The following PGM3 variants were observed in gnomAD, a reference collection of about 807,000 sequenced individuals.
The protein encoded by PGM3 is phosphoglucomutase 3.
In PGM3, 40 loss-of-function variants were observed where a neutral mutation model predicts 66.2. The observed-to-expected ratio is 0.60, with a 90% CI of 0.47 to 0.79. PGM3 has a LOEUF of 0.79. Ranked by LOEUF, PGM3 falls within the 30% of genes least tolerant of loss-of-function variation. The pLI, the probability that PGM3 is intolerant of heterozygous loss-of-function variation, is 0.00. For synonymous variants in PGM3, 191 were observed against 224.2 expected, an observed-to-expected ratio of 0.85 and a Z score of 1.32; for missense variants, 537 against 643.4, an observed-to-expected ratio of 0.83 and a Z score of 1.79.
chr6:83,175,870 G>A (rs995758665), intron 9 of PGM3, 92 bp downstream of exon 9: 6 of 683,706 alleles, frequency 8.8e-6, no homozygotes, highest in Middle Eastern at 2.5e-4. Flanking sequence ...TTTCAACAAA[G>A]TACAATATTA....
At chr6:83,158,769 T>G, downstream of PGM3, 1 of 663,878 alleles carries the variant, frequency 1.5e-6, no homozygotes, top group Non-Finnish European at 2.5e-6. Flanking sequence ...TAATGTAGTT[T>G]TACTTATTCC....
Position 83,168,833 on chromosome 6 carries a change from T to C in PGM3, c.*401A>G. On this transcript the variant is annotated 3_prime_UTR_variant, in exon 13 of 13. Transcript: ENST00000513973. ...TATAAAGTCTTCTCTGCCCTCTCCA[T>C]TTGTATCAGCAATGGGGAATGCTGC... 1 of 1,028,468 alleles carries C rather than the reference T, an allele frequency of 9.7e-7. No homozygotes were observed. The highest frequency in any genetic ancestry group is 1.2e-6 in the Non-Finnish European group (1 of 855,028). The allele number at this position is 1,028,468 out of a possible 1,614,324, so 63.7% of individuals were successfully genotyped here. A position where few individuals can be genotyped will look rare whatever the true frequency, so the allele number is the denominator to read the frequency against.
intron 2 of PGM3, among the ~76,000 whole-genome samples, 163 bp from the exon 3 acceptor site, chr6:83,188,961 G>GTA (rs934315718): frequency 6.6e-6 from 1 of 152,122 alleles, no homozygotes; most frequent in Non-Finnish European, 1.5e-5. Flanking sequence ...GGTATTTTAT[G>GTA]TATATATATT....
Position 83,171,953 on chromosome 6 carries a change from C to CTGTT in PGM3, c.1345_1348dup (p.Arg450LysfsTer5). 1 of 1,613,226 alleles carries CTGTT rather than the reference C, an allele frequency of 6.2e-7. No individual in the cohort carries two copies. The highest frequency in any genetic ancestry group is 8.5e-7 in the Non-Finnish European group (1 of 1,179,414). On this transcript the variant is annotated frameshift_variant, in exon 11 of 13. Transcript: ENST00000513973. LOFTEE classifies it high-confidence loss of function. ...CTCTCACACCTGAACTTTAAGTTGTCTGTTTGGAAGATCTGTATAGAGAGC... is the reference window on the plus strand; with the variant it reads ...CTCTCACACCTGAACTTTAAGTTGTCTGTTTGTTTGGAAGATCTGTATAGAGAGC...
chr6:83,153,745 T>TA, the PGM3 span: 304 of 1,173,314 alleles, frequency 2.6e-4, 1 homozygote, highest in Middle Eastern at 3.9e-3. Context: ...TATAATTGTT[T>TA]AAAAAAATTC....
Position 83,174,505 on chromosome 6 carries a change from A to C in PGM3, c.1129-18T>G, listed in dbSNP as rs759889751. On this transcript the variant is annotated intron_variant, in intron 9 of 12. Coordinates refer to ENST00000513973, the MANE Select transcript of PGM3 (RefSeq NM_015599.3). ...AACAGTGCCTGCAGCAAAAGAATAT[A>C]AAATCAGTCTCAAAACACTATCCAA... 6 of 1,360,832 alleles carry C rather than the reference A, an allele frequency of 4.4e-6. No homozygotes were observed. Among genetic ancestry groups the C allele is most frequent in the African/African-American group, 1.5e-5 (1 of 67,840 alleles). The allele number at this position is 1,360,832 out of a possible 1,614,324, so 84.3% of individuals were successfully genotyped here. A position where few individuals can be genotyped will look rare whatever the true frequency, so the allele number is the denominator to read the frequency against.
At chr6:83,173,088 G>A (rs542254406) in intron 10 of PGM3, among the ~76,000 whole-genome samples, 37 of 152,268 alleles carry the variant, frequency 2.4e-4, no homozygotes, top group Non-Finnish European at 3.5e-4. Context: ...CCATACCCAA[G>A]ATGTCACATT....
intron 4 of PGM3, among the ~76,000 whole-genome samples, chr6:83,186,441 T>A (rs1356674333): frequency 6.6e-6 from 1 of 152,094 alleles, no homozygotes; most frequent in Non-Finnish European, 1.5e-5. Flanking sequence ...TGGACGTTTG[T>A]TTTAATGAGA....
intron 9 of PGM3, 89 bp from the exon 10 acceptor site, chr6:83,174,576 C>G: frequency 1.6e-6 from 1 of 608,186 alleles, no homozygotes; most frequent in Non-Finnish European, 2.8e-6. Context: ...ACTTTTCCCT[C>G]CTAGTCAATC....
chr6:83,185,603 A>T (rs758147804), intron 4 of PGM3, among the ~76,000 whole-genome samples: 3 of 152,082 alleles, frequency 2.0e-5, no homozygotes, highest in Non-Finnish European at 4.4e-5. Flanking sequence ...CTCTACTAAT[A>T]CAAAAATTAT....
At position 83,186,890 on chromosome 6, in the gene PGM3, T is replaced by A. The variant is rs1788621777; in HGVS notation, c.457+118A>T. The A allele has an allele frequency of 5.3e-6, 3 of 564,422 alleles. No individual in the cohort carries two copies. In the South Asian group the frequency reaches 8.2e-5, roughly 15 times the overall value. 35.0% of individuals were successfully genotyped at this position (564,422 alleles called of 1,614,324 possible). On this transcript the variant is annotated intron_variant, in intron 4 of 12. Coordinates refer to ENST00000513973, the MANE Select transcript of PGM3 (RefSeq NM_015599.3). ...AGTATTTTGTATCTAGGAGTTCATT[T>A]TTTAAACATTTTTTGTTCATCTGTA...
At chr6:83,182,820 T>A in intron 5 of PGM3, 25 bp downstream of exon 5, 1 of 1,607,154 alleles carries the variant, frequency 6.2e-7, no homozygotes, top group South Asian at 1.1e-5. Context: ...TGTTTAACTT[T>A]AACCATGTTC....
chr6:83,191,277 C>T, intron 1 of PGM3: 1 of 1,530,126 alleles, frequency 6.5e-7, no homozygotes, highest in Non-Finnish European at 8.8e-7. Flanking sequence ...ATTTTAGCTC[C>T]AGGACTATCC....
downstream of PGM3, among the ~76,000 whole-genome samples, chr6:83,164,013 AC>A (rs1375625438): frequency 6.6e-6 from 1 of 150,804 alleles, no homozygotes; most frequent in Admixed American, 6.6e-5. Flanking sequence ...TTTGTTATTA[AC>A]CTTTTGTCAA....
rs1047014378 is a variant in PGM3 at position 83,166,289 on chromosome 6, G to A, written c.*2945C>T. 3 of 596,450 alleles carry A rather than the reference G, an allele frequency of 5.0e-6. No individual in the cohort carries two copies. The highest frequency in any genetic ancestry group is 1.8e-5 in the African/African-American group (1 of 54,328). The allele number at this position is 596,450 out of a possible 1,614,324, so 36.9% of individuals were successfully genotyped here. The stretch of plus-strand genomic sequence containing the variant: ...TTATAGTTGTAAGAGGATCAGCTTC[G>A]ATGATGTTCTCAATTGGTCATTATC... On this transcript the variant is annotated 3_prime_UTR_variant, in exon 13 of 13. Coordinates refer to ENST00000513973, the MANE Select transcript of PGM3 (RefSeq NM_015599.3).
chr6:83,167,837 C>A lies in PGM3; in HGVS notation c.*1397G>T, dbSNP rs756579208. 2.5e-6 allele frequency: 4 copies of A among 1,586,632 alleles called. No individual in the cohort carries two copies. In the South Asian group the frequency reaches 3.4e-5, roughly 14 times the overall value. On this transcript the variant is annotated 3_prime_UTR_variant, in exon 13 of 13. Transcript: ENST00000513973. ...TACCACATTGTCTGTTGTATTAATA[C>A]CAGTTCACTTTTTGTTTTCTGCAGA...
At chr6:83,178,028 G>T (rs1787908722) in intron 8 of PGM3, among the ~76,000 whole-genome samples, 1 of 152,096 alleles carries the variant, frequency 6.6e-6, no homozygotes, top group South Asian at 2.1e-4. Context: ...CATCACATTA[G>T]TCCCTGTACC....
In PGM3 at chr6:83,166,653, G is replaced by T; in HGVS notation, c.*2581C>A. On this transcript the variant is annotated 3_prime_UTR_variant, in exon 13 of 13. Coordinates refer to ENST00000513973, the MANE Select transcript of PGM3 (RefSeq NM_015599.3). ...ATATAAAACGGCAAATTTCAACAATGCAAAAACCGCAATTACGTTTGCACC... is the reference window on the plus strand; with the variant it reads ...ATATAAAACGGCAAATTTCAACAATTCAAAAACCGCAATTACGTTTGCACC... 1 of 1,202,558 alleles carries T rather than the reference G, an allele frequency of 8.3e-7. No homozygotes were observed. The highest frequency in any genetic ancestry group is 1.1e-6 in the Non-Finnish European group (1 of 933,500). The allele number at this position is 1,202,558 out of a possible 1,614,324, so 74.5% of individuals were successfully genotyped here. A position where few individuals can be genotyped will look rare whatever the true frequency, so the allele number is the denominator to read the frequency against.
chr6:83,164,563 G>A, downstream of PGM3: 1 of 1,120,462 alleles, frequency 8.9e-7, no homozygotes, highest in Non-Finnish European at 1.3e-6. Flanking sequence ...TGATTGAAAG[G>A]CATCTTCCCA....
Sources: gnomAD v4.1 joint callset for allele counts (sites outside exome capture counted in the v4.1 genomes callset) on GRCh38, gnomAD v4.1.1 for gene constraint, MANE v1.5 for transcripts, NCBI Gene and HGNC (gene_info 2026-07-23, HGNC 2026-07-21) for gene names.